GPC5: variants seen among roughly 807,000 people sequenced by gnomAD.
GPC5 encodes the protein glypican 5, also known as glypican-5.
A neutral mutation model predicts 53.9 loss-of-function variants in GPC5; 47 were observed. The observed-to-expected ratio is 0.87, with a 90% confidence interval of 0.69 to 1.11. GPC5 has a LOEUF of 1.11. Ranked by LOEUF, GPC5 falls within the 50% of genes most tolerant of loss-of-function variation. The pLI is 0.00. For missense variants in GPC5, 748 were observed against 713.1 expected (o/e 1.05, Z -0.56); for synonymous variants, 286 against 263.3 (o/e 1.09, Z -0.84).
intron 7 of GPC5, among the ~76,000 whole-genome samples, chr13:92,166,427 T>C (rs1053423656): frequency 1.3e-5 from 2 of 152,228 alleles, no homozygotes; most frequent in Non-Finnish European, 2.9e-5. Flanking sequence ...GGAAAGGGCA[T>C]ATTTTAAAAT....
chr13:91,500,960 T>A (rs1884590678), intron 2 of GPC5, among the ~76,000 whole-genome samples: 1 of 149,964 alleles, frequency 6.7e-6, no homozygotes, highest in Admixed American at 6.6e-5. Flanking sequence ...TTTTCTCTCT[T>A]GTCTACTGCC....
chr13:92,748,304 A>C (rs924081551), intron 7 of GPC5, among the ~76,000 whole-genome samples: 3 of 127,970 alleles, frequency 2.3e-5, no homozygotes, highest in African/African-American at 8.7e-5. Context: ...TGACATCTGC[A>C]TTTTATTTTA....
At position 92,572,800 on chromosome 13, in the gene GPC5, A is replaced by T. The variant is rs138152590; in HGVS notation, c.1562-293482A>T. ...CTGAAAGCAAGAGATATCTGTTAGC[A>T]AAATAACAGGAAAAACTCAACCATT... On this transcript the variant is annotated intron_variant, in intron 7 of 7. Coordinates refer to ENST00000377067, the MANE Select transcript of GPC5 (RefSeq NM_004466.6). Among the ~76,000 whole-genome samples, 349 of 152,314 alleles carry T rather than the reference A, an allele frequency of 2.3e-3. 1 individual carries two copies. The highest frequency in any genetic ancestry group is 4.0e-3 in the Non-Finnish European group (273 of 68,026).
chr13:92,638,007 A>T (rs1240721973), intron 7 of GPC5, among the ~76,000 whole-genome samples: 3 of 152,130 alleles, frequency 2.0e-5, no homozygotes, highest in Non-Finnish European at 2.9e-5. Flanking sequence ...CAATTGTAGT[A>T]AAAAAACAGT....
At chr13:92,034,216 C>A (rs2040875612) in intron 6 of GPC5, among the ~76,000 whole-genome samples, 1 of 152,062 alleles carries the variant, frequency 6.6e-6, no homozygotes, top group African/African-American at 2.4e-5. Context: ...GGAAAGCAGG[C>A]CAGGTGCAGC....
intron 5 of GPC5, among the ~76,000 whole-genome samples, chr13:91,851,274 C>A (rs2038909928): frequency 6.6e-6 from 1 of 151,966 alleles, no homozygotes; most frequent in South Asian, 2.1e-4. Flanking sequence ...TGTAAGTAAA[C>A]AGATCTAAAC....
intron 7 of GPC5, among the ~76,000 whole-genome samples, chr13:92,713,855 G>A (rs1594446480): frequency 6.6e-6 from 1 of 152,038 alleles, no homozygotes; most frequent in Non-Finnish European, 1.5e-5. Flanking sequence ...GTTGCTGTTG[G>A]GACTTACAAA....
At chr13:91,533,197 G>T (rs57972056) in intron 2 of GPC5, among the ~76,000 whole-genome samples, 1,845 of 152,276 alleles carry the variant, frequency 0.012, 37 homozygotes, top group African/African-American at 0.041. Context: ...TCTAGGAAGA[G>T]CTAAATGTGG....
At chr13:92,016,180 T>C (rs2138783464) in intron 6 of GPC5, among the ~76,000 whole-genome samples, 1 of 152,332 alleles carries the variant, frequency 6.6e-6, no homozygotes, top group South Asian at 2.1e-4. Flanking sequence ...GAACTTGAAG[T>C]ACAGACTTTT....
chr13:92,806,392 T>C (rs897793211), intron 7 of GPC5, among the ~76,000 whole-genome samples: 2 of 152,058 alleles, frequency 1.3e-5, no homozygotes, highest in African/African-American at 4.8e-5. Flanking sequence ...ATAAGACAGT[T>C]TCACTTTCTT....
chr13:92,711,375 G>A (rs1368219921), intron 7 of GPC5, among the ~76,000 whole-genome samples: 1 of 152,078 alleles, frequency 6.6e-6, no homozygotes, highest in Non-Finnish European at 1.5e-5. Flanking sequence ...ACACTAAAGT[G>A]TTGTTTGCAT....
chr13:92,635,789 C>A (rs888756934), intron 7 of GPC5, among the ~76,000 whole-genome samples: 2 of 152,232 alleles, frequency 1.3e-5, no homozygotes, highest in Non-Finnish European at 2.9e-5. Flanking sequence ...CCAGGCTTAA[C>A]GCCTTCCTTC....
intron 2 of GPC5, among the ~76,000 whole-genome samples, chr13:91,561,956 G>A (rs568034142): frequency 1.3e-5 from 2 of 152,124 alleles, no homozygotes; most frequent in South Asian, 4.1e-4. Flanking sequence ...CATCTACTTT[G>A]TACCATTACA....
intron 7 of GPC5, among the ~76,000 whole-genome samples, chr13:92,744,108 A>G (rs1331878369): frequency 1.3e-5 from 2 of 152,092 alleles, no homozygotes; most frequent in Non-Finnish European, 2.9e-5. Flanking sequence ...CATCTCCTCT[A>G]GATTACTGGC....
At chr13:92,032,653 A>G (rs913432535) in intron 6 of GPC5, among the ~76,000 whole-genome samples, 1 of 152,094 alleles carries the variant, frequency 6.6e-6, no homozygotes, top group African/African-American at 2.4e-5. Flanking sequence ...TATCTAAGGC[A>G]TTGCCTGTGT....
chr13:91,681,773 G>T (rs536605478), intron 2 of GPC5, among the ~76,000 whole-genome samples: 14 of 152,178 alleles, frequency 9.2e-5, no homozygotes, highest in South Asian at 8.3e-4. Flanking sequence ...CAGCTGAGTT[G>T]ACTTCAATGC....
In GPC5 at chr13:92,230,683, AAAT is replaced by A. The variant is rs201109016; in HGVS notation, c.1561+85698_1561+85700del. Among the ~76,000 whole-genome samples the A allele has an allele frequency of 9.7e-3, 1,479 of 152,274 alleles. 26 individuals are homozygous for A. The highest frequency in any genetic ancestry group is 0.033 in the African/African-American group (1,389 of 41,570). On this transcript the variant is annotated intron_variant, in intron 7 of 7. Transcript: ENST00000377067. Reference sequence around the variant, plus strand: ...CGAGATATAGCTTGATAATTAGTACAAATAATCAGAAATAGATTTAAAAATTTA... The same window carrying A: ...CGAGATATAGCTTGATAATTAGTACAAATCAGAAATAGATTTAAAAATTTA...
chr13:92,653,851 G>C (rs1452179518), intron 7 of GPC5, among the ~76,000 whole-genome samples: 4 of 152,204 alleles, frequency 2.6e-5, no homozygotes, highest in Admixed American at 2.6e-4. Context: ...CCTTTTGTTG[G>C]TCAAAGCAAC....
chr13:91,765,645 A>G (rs2037507604), intron 5 of GPC5, among the ~76,000 whole-genome samples: 1 of 152,256 alleles, frequency 6.6e-6, no homozygotes, highest in Non-Finnish European at 1.5e-5. Flanking sequence ...ACATGTTCAC[A>G]AAACACATTC....
Sources: allele counts gnomAD v4.1 joint callset (sites outside exome capture counted in the v4.1 genomes callset), GRCh38; gene constraint gnomAD v4.1.1; transcripts MANE v1.5; gene names NCBI Gene and HGNC (gene_info 2026-07-23, HGNC 2026-07-21).